Variants in CNIH3 observed in about 807,000 individuals in gnomAD.
CNIH3 encodes protein cornichon homolog 3.
In CNIH3, 14 loss-of-function variants were observed where a neutral mutation model predicts 24.1. The ratio of observed to expected loss-of-function variants is 0.58; its 90% confidence interval spans 0.38 to 0.91. The LOEUF is 0.91. CNIH3 is among the 40% of genes least tolerant of loss of function. The pLI, the probability that CNIH3 is intolerant of heterozygous loss-of-function variation, is 0.00. For missense variants in CNIH3, 178 were observed against 196.8 expected, an observed-to-expected ratio of 0.90 and a Z score of 0.57; for synonymous variants, 68 against 73.8, an observed-to-expected ratio of 0.92 and a Z score of 0.40.
intron 3 of CNIH3, among the ~76,000 whole-genome samples, chr1:224,560,624 G>A (rs1405304406): frequency 1.3e-5 from 2 of 151,818 alleles, no homozygotes; most frequent in Non-Finnish European, 1.5e-5. Flanking sequence ...AGAGATCTAG[G>A]TTACATGCTC....
rs1274969941 is a variant in CNIH3 at position 224,616,646 on chromosome 1, AT to A, written c.-526del. On this transcript the variant is annotated 5_prime_UTR_variant, in exon 1 of 6. Transcript: ENST00000272133. ...GGAAAGAGCGCTGCCCGGCTCTGGG[AT>A]TTGGGAGGAGCTCGGAGGCCGCTCG... 5 of 987,724 alleles carry A rather than the reference AT, an allele frequency of 5.1e-6. No individual in the cohort carries two copies. In the African/African-American group the frequency reaches 8.7e-5, roughly 17 times the overall value. The allele number at this position is 987,724 out of a possible 1,614,324, so 61.2% of individuals were successfully genotyped here. A position where few individuals can be genotyped will look rare whatever the true frequency, so the allele number is the denominator to read the frequency against.
At chr1:224,609,189 G>T (rs1682570383) in intron 3 of CNIH3, among the ~76,000 whole-genome samples, 1 of 152,186 alleles carries the variant, frequency 6.6e-6, no homozygotes, top group Admixed American at 6.5e-5. Context: ...AAAATCTTTA[G>T]ATCCTGGTTT....
At chr1:224,469,792 A>G (rs946695418) in intron 1 of CNIH3, among the ~76,000 whole-genome samples, 1 of 152,130 alleles carries the variant, frequency 6.6e-6, no homozygotes, top group Non-Finnish European at 1.5e-5. Context: ...TGTGGTAACC[A>G]TTTCTGACAC....
chr1:224,508,833 T>C (rs1353716999), intron 1 of CNIH3, among the ~76,000 whole-genome samples: 1 of 152,240 alleles, frequency 6.6e-6, no homozygotes, highest in Non-Finnish European at 1.5e-5. Context: ...CTTTGTTTAT[T>C]AAACACGTGA....
At chr1:224,437,869 T>C (rs147473857) in intron 1 of CNIH3, among the ~76,000 whole-genome samples, 20 of 152,074 alleles carry the variant, frequency 1.3e-4, no homozygotes, top group African/African-American at 4.1e-4. Flanking sequence ...AAGAAATAGG[T>C]GTTGGATATA....
upstream of CNIH3, among the ~76,000 whole-genome samples, chr1:224,515,432 A>G (rs527964332): frequency 1.4e-4 from 21 of 152,364 alleles, no homozygotes; most frequent in South Asian, 4.4e-3. Flanking sequence ...TATCTTGAGC[A>G]CAATTACACT....
chr1:224,527,934 C>T (rs916686237), intron 2 of CNIH3, among the ~76,000 whole-genome samples: 7 of 152,096 alleles, frequency 4.6e-5, no homozygotes, highest in South Asian at 4.2e-4. Context: ...TAGCTGGATC[C>T]GTATCTGTAT....
intron 3 of CNIH3, among the ~76,000 whole-genome samples, chr1:224,697,528 T>C (rs1214945156): frequency 5.9e-5 from 9 of 152,274 alleles, no homozygotes; most frequent in African/African-American, 2.2e-4. Context: ...CCAAGTGGAC[T>C]GAAGGAGTTA....
chr1:224,635,294 C>T (rs530858773), intron 1 of CNIH3, among the ~76,000 whole-genome samples: 79 of 152,262 alleles, frequency 5.2e-4, no homozygotes, highest in Middle Eastern at 3.4e-3. Context: ...GCCCCTCCCA[C>T]GACACTTGGG....
intron 2 of CNIH3, among the ~76,000 whole-genome samples, chr1:224,522,366 G>C (rs948468028): frequency 6.6e-6 from 1 of 152,186 alleles, no homozygotes; most frequent in Non-Finnish European, 1.5e-5. Context: ...AAACAGAATA[G>C]AAGATACTAC....
In CNIH3 at chr1:224,625,397, A is replaced by C. The variant is rs532124335; in HGVS notation, c.81+8142A>C. Among the ~76,000 whole-genome samples the C allele has an allele frequency of 6.6e-5, 10 of 150,506 alleles. No homozygotes were observed. In the South Asian group the frequency reaches 1.5e-3, roughly 22 times the overall value. ...ACCCCATCTCTCCTAAAAATAAAAT[A>C]AAAAAAAAATTAGCCAGGCGTGGTG... On this transcript the variant is annotated intron_variant, in intron 1 of 5. Coordinates refer to ENST00000272133, the MANE Select transcript of CNIH3 (RefSeq NM_152495.2).
intron 1 of CNIH3, among the ~76,000 whole-genome samples, chr1:224,673,526 C>T (rs1306442189): frequency 6.6e-6 from 1 of 152,222 alleles, no homozygotes; most frequent in Non-Finnish European, 1.5e-5. Flanking sequence ...CCATGTCTGG[C>T]TCCTGGACAT....
chr1:224,680,934 T>C, intron 1 of CNIH3, 24 bp from the exon 2 acceptor site: 1 of 1,596,130 alleles, frequency 6.3e-7, no homozygotes, highest in Non-Finnish European at 8.6e-7. Context: ...CACTAACACC[T>C]CAAATCTCTG....
In CNIH3 at chr1:224,478,214, G is replaced by A. The variant is rs190187266; in HGVS notation, n.204-37527G>A. ...TATTGTTATCTTTCTCTAGGTTTTGGAAGTTCTCTGTTATTATCATCTTGA... is the reference window on the plus strand; with the variant it reads ...TATTGTTATCTTTCTCTAGGTTTTGAAAGTTCTCTGTTATTATCATCTTGA... On this transcript the variant is annotated intron_variant and non_coding_transcript_variant, in intron 1 of 5. Transcript: ENST00000471578. Among the ~76,000 whole-genome samples the A allele has an allele frequency of 3.0e-3, 464 of 152,144 alleles. 3 individuals carry two copies. Among genetic ancestry groups the A allele is most frequent in the Non-Finnish European group, 4.9e-3 (335 of 67,998 alleles).
intron 1 of CNIH3, among the ~76,000 whole-genome samples, chr1:224,487,020 A>G (rs1677056966): frequency 1.3e-5 from 2 of 152,230 alleles, no homozygotes; most frequent in Non-Finnish European, 2.9e-5. Flanking sequence ...TAAATGTCAC[A>G]TCCTAGACCC....
chr1:224,502,404 C>T (rs1677712943), intron 1 of CNIH3, among the ~76,000 whole-genome samples: 1 of 152,160 alleles, frequency 6.6e-6, no homozygotes, highest in South Asian at 2.1e-4. Context: ...CCCAGCTCTC[C>T]TGAAAGGCAC....
At chr1:224,470,717 C>T (rs1411992056) in intron 1 of CNIH3, among the ~76,000 whole-genome samples, 3 of 151,918 alleles carry the variant, frequency 2.0e-5, no homozygotes, top group East Asian at 2.0e-4. Flanking sequence ...TTCGGTCTCC[C>T]AAAGCGCTGG....
intron 1 of CNIH3, among the ~76,000 whole-genome samples, chr1:224,484,767 T>G (rs1236553576): frequency 6.6e-6 from 1 of 152,246 alleles, no homozygotes; most frequent in African/African-American, 2.4e-5. Flanking sequence ...GTATCTACTT[T>G]GCCGTTAATC....
chr1:224,525,378 G>A (rs936491744), intron 2 of CNIH3, among the ~76,000 whole-genome samples: 1 of 152,176 alleles, frequency 6.6e-6, no homozygotes, highest in Non-Finnish European at 1.5e-5. Flanking sequence ...TCATTTCCTT[G>A]CTTTGGCATC....
Sources: allele counts gnomAD v4.1 joint callset (sites outside exome capture counted in the v4.1 genomes callset), GRCh38; gene constraint gnomAD v4.1.1; transcripts MANE v1.5; gene names NCBI Gene and HGNC (gene_info 2026-07-23, HGNC 2026-07-21).